The following ZNF215 variants were observed in gnomAD, a reference collection of about 807,000 sequenced individuals.
The protein encoded by ZNF215 is zinc finger protein 215, also known as BWSCR2-associated zinc finger protein 2.
A neutral mutation model predicts 27.2 loss-of-function variants in ZNF215; 24 were observed. The observed-to-expected ratio is 0.88, with a 90% CI of 0.64 to 1.24. The LOEUF is 1.24. ZNF215 is among the 50% of genes most tolerant of loss of function. The pLI, the probability that ZNF215 is intolerant of heterozygous loss-of-function variation, is 0.00. For missense variants in ZNF215, 675 were observed against 605.7 expected (o/e 1.11, Z -1.20); for synonymous variants, 210 against 204.0 (o/e 1.03, Z -0.25).
At chr11:6,944,362 T>C (rs1359772097) in intron 6 of ZNF215, among the ~76,000 whole-genome samples, 1 of 151,820 alleles carries the variant, frequency 6.6e-6, no homozygotes, top group Non-Finnish European at 1.5e-5. Context: ...AACTTTATAC[T>C]AGAGTGATTT....
intron 5 of ZNF215, among the ~76,000 whole-genome samples, chr11:6,977,593 G>C (rs541350186): frequency 8.6e-5 from 13 of 151,978 alleles, no homozygotes; most frequent in Non-Finnish European, 1.8e-4. Context: ...AAGAAGAGGA[G>C]ATTTGGACCC....
intron 5 of ZNF215, among the ~76,000 whole-genome samples, chr11:6,977,632 A>C (rs1289171574): frequency 6.6e-6 from 1 of 152,016 alleles, no homozygotes; most frequent in Non-Finnish European, 1.5e-5. Flanking sequence ...GCATGCAAAT[A>C]CAGAAGGAAC....
intron 5 of ZNF215, among the ~76,000 whole-genome samples, chr11:6,982,208 C>T (rs1167576048): frequency 6.6e-6 from 1 of 152,026 alleles, no homozygotes; most frequent in Non-Finnish European, 1.5e-5. Context: ...GCAGTATGGC[C>T]ATTTTCATGA....
In ZNF215 at chr11:6,957,725, T is replaced by C. The variant is rs756354271; in HGVS notation, c.*1194T>C. 6 of 984,714 alleles carry C rather than the reference T, an allele frequency of 6.1e-6. No individual in the cohort carries two copies. The highest frequency in any genetic ancestry group is 7.2e-6 in the Non-Finnish European group (6 of 829,268). The allele number at this position is 984,714 out of a possible 1,614,324, so 61.0% of individuals were successfully genotyped here. A position where few individuals can be genotyped will look rare whatever the true frequency, so the allele number is the denominator to read the frequency against. On this transcript the variant is annotated 3_prime_UTR_variant, in exon 7 of 7. Coordinates refer to ENST00000278319, the MANE Select transcript of ZNF215 (RefSeq NM_013250.4). ...GCAGTTCCTAAGAACCTATTGATGATGTTCAGTGCAGACTTACTGTACCTT... is the reference window on the plus strand; with the variant it reads ...GCAGTTCCTAAGAACCTATTGATGACGTTCAGTGCAGACTTACTGTACCTT...
intron 3 of ZNF215, among the ~76,000 whole-genome samples, chr11:6,933,526 G>A (rs924290322): frequency 1.1e-4 from 17 of 152,208 alleles, no homozygotes; most frequent in Non-Finnish European, 1.8e-4. Flanking sequence ...GGTGGCTCAC[G>A]CCTGTAATCC....
intron 6 of ZNF215, among the ~76,000 whole-genome samples, chr11:6,946,771 C>T (rs954226806): frequency 4.6e-5 from 7 of 152,164 alleles, no homozygotes; most frequent in Non-Finnish European, 8.8e-5. Flanking sequence ...CCACATTAGG[C>T]TGTATGTTCT....
intron 5 of ZNF215, among the ~76,000 whole-genome samples, chr11:6,980,071 G>A (rs947302968): frequency 6.6e-6 from 1 of 152,070 alleles, no homozygotes. Context: ...AATGATCGGT[G>A]GTTCAGGATC....
intron 6 of ZNF215, among the ~76,000 whole-genome samples, chr11:6,953,481 C>G (rs2133281131): frequency 6.6e-6 from 1 of 152,240 alleles, no homozygotes; most frequent in East Asian, 1.9e-4. Flanking sequence ...TCATTTCATT[C>G]ATTTCATCTT....
At position 6,949,873 on chromosome 11, in the gene ZNF215, G is replaced by A. The variant is rs1050159640; in HGVS notation, c.713-5817G>A. Reference sequence around the variant, plus strand: ...GGGTTTTTATGGTTTCAGGTCTAACGTTTAAGTCTTTAATCCATCTTGAAT... The same window carrying A: ...GGGTTTTTATGGTTTCAGGTCTAACATTTAAGTCTTTAATCCATCTTGAAT... On this transcript the variant is annotated intron_variant, in intron 6 of 6. Coordinates refer to ENST00000278319, the MANE Select transcript of ZNF215 (RefSeq NM_013250.4). Among the ~76,000 whole-genome samples the A allele has an allele frequency of 1.8e-3, 275 of 152,136 alleles. 2 individuals carry two copies. Among genetic ancestry groups the A allele is most frequent in the African/African-American group, 6.1e-3 (252 of 41,524 alleles).
At chr11:6,941,439 C>A in intron 3 of ZNF215, 132 bp from the exon 4 acceptor site, 1 of 672,294 alleles carries the variant, frequency 1.5e-6, no homozygotes. Context: ...TGATTGCTGG[C>A]AGGGCCTGAC....
chr11:6,990,159 T>C (rs914680674), downstream of ZNF215, among the ~76,000 whole-genome samples: 2 of 152,226 alleles, frequency 1.3e-5, no homozygotes, highest in Admixed American at 1.3e-4. Flanking sequence ...TTAAGCTTTT[T>C]CTATTTTTGA....
In ZNF215 at chr11:6,926,530, T is replaced by A. The variant is rs1466682; in HGVS notation, c.-481T>A. 0.53 allele frequency: 80,853 copies of A among 152,168 alleles called. 22,183 individuals are homozygous for A. The highest frequency in any genetic ancestry group is 0.63 in the South Asian group (3,034 of 4,808). The allele number at this position is 152,168 out of a possible 1,614,324, so 9.4% of individuals were successfully genotyped here. ...GCTGGTGCGCGTGCGCAAGAGTGCG[T>A]CGAGGTTGTTCCGCGGCAATTTATG... On this transcript the variant is annotated 5_prime_UTR_variant, in exon 1 of 7. Coordinates refer to ENST00000278319, the MANE Select transcript of ZNF215 (RefSeq NM_013250.4).
chr11:6,980,621 TA>T (rs1305704428), intron 5 of ZNF215, among the ~76,000 whole-genome samples: 21 of 135,610 alleles, frequency 1.5e-4, no homozygotes, highest in African/African-American at 5.9e-4. Context: ...TTATTATTAT[TA>T]TTATACTTTA....
At chr11:6,954,540 G>T (rs575404132) in intron 6 of ZNF215, among the ~76,000 whole-genome samples, 6 of 152,322 alleles carry the variant, frequency 3.9e-5, no homozygotes, top group African/African-American at 7.2e-5. Flanking sequence ...ACCCGAGCCA[G>T]GTGCAGGATA....
At chr11:6,961,917 A>G (rs76451483), downstream of ZNF215, among the ~76,000 whole-genome samples, 671 of 152,276 alleles carry the variant, frequency 4.4e-3, 4 homozygotes, top group African/African-American at 0.015. Flanking sequence ...CCCCAACAGA[A>G]AGGTTATCCC....
intron 6 of ZNF215, among the ~76,000 whole-genome samples, chr11:6,949,816 G>T (rs1849980105): frequency 6.6e-6 from 1 of 152,158 alleles, no homozygotes. Flanking sequence ...CCACGCCTAT[G>T]TCCTGAATGG....
downstream of ZNF215, among the ~76,000 whole-genome samples, chr11:6,987,113 A>G (rs10769746): frequency 0.26 from 39,509 of 152,128 alleles, 6,039 homozygotes; most frequent in East Asian, 0.62. Flanking sequence ...TATTCACAAT[A>G]GCAAAGACAT....
chr11:6,949,884 T>C (rs1849983644), intron 6 of ZNF215, among the ~76,000 whole-genome samples: 1 of 152,224 alleles, frequency 6.6e-6, no homozygotes, highest in Non-Finnish European at 1.5e-5. Context: ...TTTAAGTCTT[T>C]AATCCATCTT....
intron 5 of ZNF215, among the ~76,000 whole-genome samples, chr11:6,973,631 A>G (rs1430522540): frequency 2.0e-5 from 3 of 152,092 alleles, no homozygotes; most frequent in African/African-American, 4.8e-5. Context: ...TTTGATTTGC[A>G]TTTCTCTGAT....
Sources: gnomAD v4.1 joint callset for allele counts (sites outside exome capture counted in the v4.1 genomes callset) on GRCh38, gnomAD v4.1.1 for gene constraint, MANE v1.5 for transcripts, NCBI Gene and HGNC (gene_info 2026-07-23, HGNC 2026-07-21) for gene names.